The following MCUB variants were observed in gnomAD, a reference collection of about 807,000 sequenced individuals.
MCUB encodes mitochondrial calcium uniporter dominant negative subunit beta, also known as calcium uniporter regulatory subunit MCUb, mitochondrial.
MCUB carries 46 observed loss-of-function variants against 41.4 expected under a neutral mutation model. The ratio of observed to expected loss-of-function variants is 1.11; its 90% CI spans 0.88 to 1.42. The LOEUF is 1.42. Among genes scored for constraint, MCUB ranks in the 40% most tolerant of loss-of-function variants. MCUB has a pLI of 0.00. For synonymous variants in MCUB, 148 were observed against 148.2 expected (o/e 1.00, Z 0.01); for missense variants, 403 against 404.9 (o/e 1.00, Z 0.04).
chr4:109,573,532 G>A (rs1389331077), intron 1 of MCUB, among the ~76,000 whole-genome samples: 2 of 152,140 alleles, frequency 1.3e-5, no homozygotes, highest in African/African-American at 4.8e-5. Context: ...CTTAATGGGG[G>A]AGAAAAGTAT....
chr4:109,646,118 C>G (rs13145412), intron 1 of MCUB, among the ~76,000 whole-genome samples: 10,264 of 152,034 alleles, frequency 0.068, 519 homozygotes, highest in Middle Eastern at 0.11. Flanking sequence ...CCCACTCACT[C>G]TTCAGCATAC....
chr4:109,590,758 A>G (rs1196563351), intron 1 of MCUB, among the ~76,000 whole-genome samples: 1 of 152,126 alleles, frequency 6.6e-6, no homozygotes, highest in Non-Finnish European at 1.5e-5. Flanking sequence ...CTCCTGCCCC[A>G]TGCTTGTCTC....
At chr4:109,579,105 T>G (rs1455468663) in intron 1 of MCUB, among the ~76,000 whole-genome samples, 2 of 152,258 alleles carry the variant, frequency 1.3e-5, no homozygotes, top group African/African-American at 4.8e-5. Context: ...TCTGTTAGAC[T>G]AGACATTCTC....
At chr4:109,568,700 C>A (rs549508155) in intron 1 of MCUB, among the ~76,000 whole-genome samples, 1 of 152,294 alleles carries the variant, frequency 6.6e-6, no homozygotes, top group African/African-American at 2.4e-5. Context: ...GAACTTACAT[C>A]ATTCGACCAT....
chr4:109,686,502 TAAA>T (rs1051358242), intron 7 of MCUB, among the ~76,000 whole-genome samples: 1 of 152,158 alleles, frequency 6.6e-6, no homozygotes, highest in African/African-American at 2.4e-5. Flanking sequence ...ATAATGCTTT[TAAA>T]AAAAATTTGT....
intron 1 of MCUB, among the ~76,000 whole-genome samples, chr4:109,624,858 C>T (rs953134564): frequency 4.6e-5 from 7 of 151,958 alleles, no homozygotes; most frequent in African/African-American, 7.2e-5. Context: ...AACCTGATGT[C>T]GGCCAGGCTG....
intron 1 of MCUB, among the ~76,000 whole-genome samples, chr4:109,587,377 G>T (rs902890104): frequency 6.6e-6 from 1 of 152,238 alleles, no homozygotes; most frequent in Admixed American, 6.5e-5. Context: ...GGCTTCCGTT[G>T]ACTAGGAAAG....
chr4:109,600,818 C>A (rs1321492273), intron 1 of MCUB, among the ~76,000 whole-genome samples: 1 of 152,018 alleles, frequency 6.6e-6, no homozygotes, highest in Non-Finnish European at 1.5e-5. Flanking sequence ...CCTTCTGAGA[C>A]TAAGTCTCGT....
chr4:109,661,731 G>A (rs1729235479), intron 3 of MCUB, among the ~76,000 whole-genome samples: 1 of 152,018 alleles, frequency 6.6e-6, no homozygotes, highest in Admixed American at 6.6e-5. Context: ...AGGGAGTCAC[G>A]TAGAGGGAAG....
chr4:109,618,864 A>C (rs1172317369), intron 1 of MCUB, among the ~76,000 whole-genome samples: 2 of 152,130 alleles, frequency 1.3e-5, no homozygotes, highest in Non-Finnish European at 2.9e-5. Context: ...CATAACAATA[A>C]GCTTCTTAGA....
intron 4 of MCUB, among the ~76,000 whole-genome samples, chr4:109,670,467 C>T (rs1280288773): frequency 6.6e-6 from 1 of 152,164 alleles, no homozygotes; most frequent in African/African-American, 2.4e-5. Context: ...CCTTTAATCC[C>T]AGCACTTTGA....
At chr4:109,614,517 A>G (rs1410366714) in intron 1 of MCUB, among the ~76,000 whole-genome samples, 1 of 151,582 alleles carries the variant, frequency 6.6e-6, no homozygotes, top group Non-Finnish European at 1.5e-5. Flanking sequence ...GCCAACTCGG[A>G]AGATGACCCA....
chr4:109,568,036 C>T (rs1726822635), intron 1 of MCUB, among the ~76,000 whole-genome samples: 1 of 152,070 alleles, frequency 6.6e-6, no homozygotes, highest in African/African-American at 2.4e-5. Flanking sequence ...TGAATAACTT[C>T]TTTCTAGAGA....
rs576092543 is a variant in MCUB at position 109,660,143 on chromosome 4, GT to G, written c.176-44del. 4.2e-5 allele frequency: 38 copies of G among 906,886 alleles called. 1 individual carries two copies. The highest frequency in any genetic ancestry group is 2.9e-4 in the South Asian group (16 of 56,008). The allele number at this position is 906,886 out of a possible 1,614,324, so 56.2% of individuals were successfully genotyped here. A position where few individuals can be genotyped will look rare whatever the true frequency, so the allele number is the denominator to read the frequency against. Reference sequence around the variant, plus strand: ...TCCTTCTAGAATTCTTGTATTTATGGTTTTTTTTAAAGTAAAATTTACTCAT... The same window carrying G: ...TCCTTCTAGAATTCTTGTATTTATGGTTTTTTTAAAGTAAAATTTACTCAT... On this transcript the variant is annotated intron_variant, in intron 2 of 7. Transcript: ENST00000394650.
chr4:109,664,425 T>A, intron 4 of MCUB, 31 bp downstream of exon 4: 1 of 779,216 alleles, frequency 1.3e-6, no homozygotes, highest in Non-Finnish European at 2.1e-6. Context: ...ACTATTACTT[T>A]TTTTTTTTTT....
chr4:109,613,050 G>C (rs1438128575), intron 1 of MCUB, among the ~76,000 whole-genome samples: 1 of 149,910 alleles, frequency 6.7e-6, no homozygotes, highest in African/African-American at 2.5e-5. Flanking sequence ...AGCTTGCAGT[G>C]AGCCGAGATC....
chr4:109,644,026 TA>T (rs903171525), intron 1 of MCUB, among the ~76,000 whole-genome samples: 2 of 151,490 alleles, frequency 1.3e-5, no homozygotes, highest in Non-Finnish European at 2.9e-5. Flanking sequence ...GCTGCCCGAT[TA>T]AAAAAAAATT....
intron 1 of MCUB, among the ~76,000 whole-genome samples, chr4:109,603,920 C>T (rs959977589): frequency 3.3e-5 from 5 of 152,094 alleles, no homozygotes; most frequent in South Asian, 4.1e-4. Context: ...GCCATGATGA[C>T]GATGGCGGTT....
At chr4:109,625,287 C>T in intron 1 of MCUB, among the ~76,000 whole-genome samples, 1 of 152,154 alleles carries the variant, frequency 6.6e-6, no homozygotes, top group East Asian at 1.9e-4. Context: ...AATTAATGAC[C>T]CTGTTGCAGT....
Sources: gnomAD v4.1 joint callset for allele counts (sites outside exome capture counted in the v4.1 genomes callset) on GRCh38, gnomAD v4.1.1 for gene constraint, MANE v1.5 for transcripts, NCBI Gene and HGNC (gene_info 2026-07-23, HGNC 2026-07-21) for gene names.